The following SLC5A10 variants were observed in gnomAD, a reference collection of about 807,000 sequenced individuals.
SLC5A10 encodes solute carrier family 5 member 10, also known as sodium/mannose cotransporter SLC5A10.
In SLC5A10, 55 loss-of-function variants were observed where a neutral mutation model predicts 68.9. The observed-to-expected ratio is 0.80, with a 90% CI of 0.64 to 1.00. The LOEUF (loss-of-function observed/expected upper bound fraction) is 1.00. SLC5A10 is among the 50% of genes least tolerant of loss of function. SLC5A10 has a pLI of 0.00. For missense variants in SLC5A10, 732 were observed against 819.3 expected, an observed-to-expected ratio of 0.89 and a Z score of 1.30; for synonymous variants, 344 against 344.8, an observed-to-expected ratio of 1.00 and a Z score of 0.02.
intron 9 of SLC5A10, chr17:18,978,540 G>C: frequency 6.2e-7 from 1 of 1,613,306 alleles, no homozygotes; most frequent in Non-Finnish European, 8.5e-7. Flanking sequence ...GGGCCTTTCA[G>C]CCCCAGGGGC....
At chr17:18,989,821 G>T (rs1330297653) in intron 9 of SLC5A10, among the ~76,000 whole-genome samples, 1 of 152,218 alleles carries the variant, frequency 6.6e-6, no homozygotes, top group Non-Finnish European at 1.5e-5. Context: ...CAATGAGGTT[G>T]TAAGGCTTGT....
rs1391013268 is a variant in SLC5A10 at position 18,971,550 on chromosome 17, G to A, written c.846+332G>A. On this transcript the variant is annotated intron_variant, in intron 8 of 14. Transcript: ENST00000395645. The surrounding 1 kb of genome is among the most constrained non-coding windows in gnomAD (Gnocchi z 5.5). ...GGGCGGGCATTTTGGGCCAGTCTTGGGCTGCCGGGATCCGGAAGCAGGCGG... is the reference window on the plus strand; with the variant it reads ...GGGCGGGCATTTTGGGCCAGTCTTGAGCTGCCGGGATCCGGAAGCAGGCGG... 1 of 1,613,902 alleles carries A rather than the reference G, an allele frequency of 6.2e-7. No individual in the cohort carries two copies.
At chr17:18,955,342 G>A (rs2042476889) in intron 1 of SLC5A10, among the ~76,000 whole-genome samples, 1 of 152,204 alleles carries the variant, frequency 6.6e-6, no homozygotes, top group Non-Finnish European at 1.5e-5. Context: ...CTAGATGGGT[G>A]TGTTTTCATC....
At chr17:18,954,141 A>AC (rs906641116) in intron 1 of SLC5A10, 1 of 152,264 alleles carries the variant, frequency 6.6e-6, no homozygotes, top group African/African-American at 2.4e-5. Context: ...GCAAACTGTA[A>AC]CGTGCTATAT....
Position 18,959,246 on chromosome 17 carries a change from C to A in SLC5A10, c.288+7C>A, listed in dbSNP as rs762490779. 6.2e-7 allele frequency: 1 copy of A among 1,612,502 alleles called. No individual in the cohort carries two copies. The highest frequency in any genetic ancestry group is 8.5e-7 in the Non-Finnish European group (1 of 1,179,746). On this transcript the variant is annotated splice_region_variant and intron_variant, in intron 3 of 14. Coordinates refer to ENST00000395645, the MANE Select transcript of SLC5A10 (RefSeq NM_001042450.4). ...GGCAGGCTTCGAGTGGAATGTGAGT[C>A]CTGGAGGACTGGCGGCCTGTGGGAG...
At position 19,019,898 on chromosome 17, in the gene SLC5A10, C is replaced by A; in HGVS notation, c.1596C>A (p.Ser532Arg). The change falls in exon 13 of 15, where the codon AGC becomes AGA. Residue 532 changes from serine (S) to arginine (R), a missense_variant. Ser to Arg is a moderately radical substitution (Grantham distance 110, BLOSUM62 -1). Transcript: ENST00000395645. ...GTGGTGCTGTTGTGGTGGCTGGAAGCCTGCTGACCCCACCCCCACAGAGTG... is the reference window on the plus strand; with the variant it reads ...GTGGTGCTGTTGTGGTGGCTGGAAGACTGCTGACCCCACCCCCACAGAGTG... The part of the protein sequence containing the change: ...ALSGAVVVAG[S>R]LLTPPPQSVQ... 1 of 1,610,110 alleles carries A rather than the reference C, an allele frequency of 6.2e-7. No individual in the cohort carries two copies. Among genetic ancestry groups the A allele is most frequent in the Non-Finnish European group, 8.5e-7 (1 of 1,178,890 alleles).
rs1298794020 is a variant in SLC5A10 at position 19,020,427 on chromosome 17, C to T, written c.1787C>T (p.Ala596Val). The T allele has an allele frequency of 1.2e-6, 2 of 1,613,634 alleles. No homozygotes were observed. The highest frequency in any genetic ancestry group is 1.7e-6 in the Non-Finnish European group (2 of 1,179,940). The change falls in exon 15 of 15, where the codon GCC becomes GTC. Residue 596 changes from alanine (A) to valine (V), a missense_variant. Physicochemically the swap from Ala to Val is moderately conservative, Grantham distance 64 (BLOSUM62 0). Transcript: ENST00000395645. ...CVNIFFYAYF[A>V] is the part of the protein sequence containing the mutation. ...AACATATTCTTTTATGCCTACTTCG[C>T]CTGACACTGCCATCCTGGACAGAAA...
intron 6 of SLC5A10, 28 bp from the exon 7 acceptor site, chr17:18,969,314 C>A: frequency 6.2e-7 from 1 of 1,610,548 alleles, no homozygotes; most frequent in Non-Finnish European, 8.5e-7. Context: ...GCCAGGGCCC[C>A]CTCCAGCAAC....
At chr17:18,976,791 G>A in intron 8 of SLC5A10, 63 bp from the exon 9 acceptor site, 1 of 1,593,452 alleles carries the variant, frequency 6.3e-7, no homozygotes, top group South Asian at 1.1e-5. Flanking sequence ...GCCCACCAAG[G>A]ACCAATCCTG....
chr17:18,969,114 C>T lies in SLC5A10; in HGVS notation c.516C>T (p.Ser172=), dbSNP rs1221837157. Residue 172 remains serine, a synonymous_variant, in exon 6 of 15, where the codon TCC becomes TCT. Coordinates refer to ENST00000395645, the MANE Select transcript of SLC5A10 (RefSeq NM_001042450.4). ...GCCTGGGCTGGAACTTCTACCTCTC[C>T]ACCATCCTCACGCTCGGCATCACAG... The part of the protein sequence containing the change: ...HICLGWNFYL[S]TILTLGITAL... 2 of 1,614,126 alleles carry T rather than the reference C, an allele frequency of 1.2e-6. No individual in the cohort carries two copies. Among genetic ancestry groups the T allele is most frequent in the Admixed American group, 3.3e-5 (2 of 60,018 alleles).
intron 9 of SLC5A10, among the ~76,000 whole-genome samples, chr17:19,002,029 G>A (rs2043740967): frequency 6.6e-6 from 1 of 152,184 alleles, no homozygotes; most frequent in South Asian, 2.1e-4. Flanking sequence ...TCCCCATCAG[G>A]CACAGACATC....
chr17:19,008,998 A>G (rs545014882), intron 9 of SLC5A10, among the ~76,000 whole-genome samples: 6 of 151,444 alleles, frequency 4.0e-5, no homozygotes, highest in Non-Finnish European at 8.8e-5. Flanking sequence ...TTTTTGGTAG[A>G]GACAGGGCTT....
chr17:18,987,776 CT>C (rs2043308265), intron 9 of SLC5A10, among the ~76,000 whole-genome samples: 1 of 152,366 alleles, frequency 6.6e-6, no homozygotes, highest in African/African-American at 2.4e-5. Flanking sequence ...GGAGCTTCCT[CT>C]GTCTGAGCCA....
At chr17:19,014,791 T>G (rs1006266687) in intron 10 of SLC5A10, among the ~76,000 whole-genome samples, 3 of 152,120 alleles carry the variant, frequency 2.0e-5, no homozygotes, top group Non-Finnish European at 4.4e-5. Flanking sequence ...GTAATTATGG[T>G]CGGGCCTAGG....
chr17:18,951,292 C>T (rs146422237), upstream of SLC5A10, among the ~76,000 whole-genome samples: 10 of 152,356 alleles, frequency 6.6e-5, no homozygotes, highest in East Asian at 1.9e-4. Context: ...ACTGTCACTG[C>T]GGTGGAGACG....
Position 19,020,014 on chromosome 17 carries a change from AT to A in SLC5A10, c.1626+90del, listed in dbSNP as rs1273437803. The A allele has an allele frequency of 8.6e-5, 127 of 1,470,350 alleles. No homozygotes were observed. The Middle Eastern group carries it at 1.0e-3, about 12-fold the overall frequency. 91.1% of individuals were successfully genotyped at this position (1,470,350 alleles called of 1,614,324 possible). A position where few individuals can be genotyped will look rare whatever the true frequency, so the allele number is the denominator to read the frequency against. ...CATCCCCGACCCACTCTGACTCAGA[AT>A]TTTCTAGCCCTGGACTACCTAGCCC... On this transcript the variant is annotated intron_variant, in intron 13 of 14. Coordinates refer to ENST00000395645, the MANE Select transcript of SLC5A10 (RefSeq NM_001042450.4).
At chr17:18,973,881 TAA>T (rs1286798460) in intron 8 of SLC5A10, among the ~76,000 whole-genome samples, 2 of 134,580 alleles carry the variant, frequency 1.5e-5, no homozygotes, top group Non-Finnish European at 3.1e-5. Context: ...TATTTTTTTT[TAA>T]GTTTTTTTTT....
chr17:18,959,634 G>A lies in SLC5A10; in HGVS notation c.319G>A (p.Val107Met), dbSNP rs373118757. ...GTACGTGCTGCTGGCACTGGCATGGGTGTTCGTGCCCATCTACATCTCCTC... is the reference window on the plus strand; with the variant it reads ...GTACGTGCTGCTGGCACTGGCATGGATGTTCGTGCCCATCTACATCTCCTC... The part of the protein sequence containing the change: ...ATYVLLALAW[V>M]FVPIYISSEI... Residue 107 changes from valine to methionine, a missense_variant, in exon 4 of 15, where the codon GTG (valine) becomes ATG (methionine). By Grantham distance (21) the Val-to-Met change is conservative. Transcript: ENST00000395645. 7.4e-6 allele frequency: 12 copies of A among 1,613,924 alleles called. No homozygotes were observed. In the African/African-American group the frequency reaches 9.3e-5, roughly 13 times the overall value.
intron 9 of SLC5A10, among the ~76,000 whole-genome samples, chr17:19,006,403 C>CTTTT (rs532718554): frequency 3.6e-5 from 5 of 138,436 alleles, no homozygotes; most frequent in Non-Finnish European, 6.3e-5. Flanking sequence ...TTTCTTTTTT[C>CTTTT]TTTTTTTTTT....
Sources: gnomAD v4.1 joint callset for allele counts (sites outside exome capture counted in the v4.1 genomes callset) on GRCh38, gnomAD v4.1.1 for gene constraint, Gnocchi (gnomAD v3.1) non-coding constraint, MANE v1.5 for transcripts, NCBI Gene and HGNC (gene_info 2026-07-23, HGNC 2026-07-21) for gene names.